The following UPB1 variants were observed in gnomAD, a reference collection of about 807,000 sequenced individuals.
The protein encoded by UPB1 is beta-ureidopropionase 1.
In UPB1, 40 loss-of-function variants were observed where a neutral mutation model predicts 49.1. That is an observed-to-expected ratio of 0.81 (90% confidence interval 0.63 to 1.06). The LOEUF is 1.06. UPB1 is among the 50% of genes least tolerant of loss of function. The pLI, the probability that UPB1 is intolerant of heterozygous loss-of-function variation, is 0.00. For synonymous variants in UPB1, 207 were observed against 198.2 expected (o/e 1.04, Z -0.38); for missense variants, 499 against 505.9 (o/e 0.99, Z 0.13).
In UPB1 at chr22:24,515,245, G is replaced by C. The variant is rs1204903947; in HGVS notation, c.666G>C (p.Gln222His). ...GAAACCTGGGCCACCCCGTGTTCCA[G>C]ACGCAGTTCGGAAGGATCGCGGTGA... ...MEGNLGHPVF[Q>H]TQFGRIAVNI... Residue 222 changes from glutamine (Q) to histidine (H), a missense_variant, in exon 6 of 10, where the codon CAG becomes CAC. By Grantham distance (24) the Gln-to-His change is conservative. Transcript: ENST00000326010. The C allele has an allele frequency of 6.2e-7, 1 of 1,614,208 alleles. No homozygotes were observed. The highest frequency in any genetic ancestry group is 1.7e-5 in the Admixed American group (1 of 60,026).
In UPB1 at chr22:24,526,683, G is replaced by A. The variant is rs1179758923; in HGVS notation, c.*889G>A. The stretch of plus-strand genomic sequence containing the variant: ...TCTTAAAGATGAGTTTTCTGCATTG[G>A]TTCTGGATTTTTTTAGAATTCTTCC... On this transcript the variant is annotated 3_prime_UTR_variant, in exon 10 of 10. Coordinates refer to ENST00000326010, the MANE Select transcript of UPB1 (RefSeq NM_016327.3). The A allele has an allele frequency of 6.6e-6, 1 of 152,194 alleles. No homozygotes were observed. Among genetic ancestry groups the A allele is most frequent in the Non-Finnish European group, 1.5e-5 (1 of 68,044 alleles). The allele number at this position is 152,194 out of a possible 1,614,324, so 9.4% of individuals were successfully genotyped here.
chr22:24,507,471 CTG>C (rs1357518410), intron 3 of UPB1, among the ~76,000 whole-genome samples: 7 of 152,060 alleles, frequency 4.6e-5, no homozygotes, highest in African/African-American at 1.7e-4. Context: ...TCTTCCTTCT[CTG>C]TGAAATAAAG....
At chr22:24,504,751 G>C (rs1235363999) in intron 3 of UPB1, among the ~76,000 whole-genome samples, 1 of 85,812 alleles carries the variant, frequency 1.2e-5, no homozygotes, top group South Asian at 3.7e-4. Flanking sequence ...TTTTTGATAC[G>C]TGGTCTTACT....
At position 24,527,525 on chromosome 22, in the gene UPB1, TAACCAGAG is replaced by T. The variant is rs1368844264; in HGVS notation, c.*1732_*1739del. On this transcript the variant is annotated 3_prime_UTR_variant, in exon 10 of 10. Transcript: ENST00000326010. Reference sequence around the variant, plus strand: ...AACCTGCCAAGTCTCAAATAGCAGTTAACCAGAGTATCGGGTTGGAGGTGGGGTTGAGA... The same window carrying T: ...AACCTGCCAAGTCTCAAATAGCAGTTTATCGGGTTGGAGGTGGGGTTGAGA... 6.6e-6 allele frequency: 1 copy of T among 152,210 alleles called. No homozygotes were observed. Among genetic ancestry groups the T allele is most frequent in the Non-Finnish European group, 1.5e-5 (1 of 68,080 alleles). The allele number at this position is 152,210 out of a possible 1,614,324, so 9.4% of individuals were successfully genotyped here.
chr22:24,501,805 G>T (rs1032048456), intron 2 of UPB1, among the ~76,000 whole-genome samples: 1 of 152,164 alleles, frequency 6.6e-6, no homozygotes, highest in Non-Finnish European at 1.5e-5. Flanking sequence ...CTGGGAGATG[G>T]GTGTGAACGT....
chr22:24,523,353 G>C (rs952799468), intron 8 of UPB1, among the ~76,000 whole-genome samples: 3 of 152,236 alleles, frequency 2.0e-5, no homozygotes, highest in African/African-American at 4.8e-5. Flanking sequence ...TTAGGCTGTG[G>C]GTAGAAGTGA....
chr22:24,496,416 C>CAT (rs1310902940), intron 1 of UPB1, among the ~76,000 whole-genome samples: 115 of 144,784 alleles, frequency 7.9e-4, no homozygotes, highest in African/African-American at 3.1e-3. Context: ...CACACACACA[C>CAT]ACACACACAC....
In UPB1 at chr22:24,510,791, CAG is replaced by C; in HGVS notation, c.409_410del (p.Glu137IlefsTer3). 6.2e-7 allele frequency: 1 copy of C among 1,614,200 alleles called. No homozygotes were observed. On this transcript the variant is annotated frameshift_variant, in exon 4 of 10. Coordinates refer to ENST00000326010, the MANE Select transcript of UPB1 (RefSeq NM_016327.3). LOFTEE classifies it high-confidence loss of function. ...TGTACGAGAGAGAAGCTTCCTTGGA[CAG>C]AATTTGCTGAGTCAGCAGAGGATGG...
chr22:24,520,228 T>G lies in UPB1; in HGVS notation c.792-159T>G, dbSNP rs182941566. On this transcript the variant is annotated intron_variant, in intron 6 of 9. Transcript: ENST00000326010. ...GGGGTGTGACCGGTGAGTCTCCTGG[T>G]TGTCCCCACCACTGGCCCAGGAAAG... The G allele has an allele frequency of 2.7e-5, 21 of 788,426 alleles. No homozygotes were observed. The East Asian group carries it at 5.4e-4, about 20-fold the overall frequency. The allele number at this position is 788,426 out of a possible 1,614,324, so 48.8% of individuals were successfully genotyped here. A position where few individuals can be genotyped will look rare whatever the true frequency, so the allele number is the denominator to read the frequency against.
chr22:24,502,531 T>A (rs1345207566), intron 3 of UPB1: 1 of 779,808 alleles, frequency 1.3e-6, no homozygotes, highest in Non-Finnish European at 2.4e-6. Context: ...TGTGCCCTCC[T>A]GACCAGGACT....
chr22:24,510,653 G>A (rs1240404109), intron 3 of UPB1, 96 bp from the exon 4 acceptor site: 7 of 1,302,070 alleles, frequency 5.4e-6, no homozygotes, highest in Non-Finnish European at 6.7e-6. Flanking sequence ...TCCTGAGACT[G>A]TATTCTTTTG....
intron 6 of UPB1, among the ~76,000 whole-genome samples, chr22:24,517,939 C>A (rs537874626): frequency 6.6e-6 from 1 of 152,144 alleles, no homozygotes; most frequent in African/African-American, 2.4e-5. Context: ...CCAAGGCTGG[C>A]GGATCACTTG....
intron 3 of UPB1, 176 bp downstream of exon 3, chr22:24,502,389 C>G: frequency 1.2e-6 from 1 of 801,930 alleles, no homozygotes; most frequent in South Asian, 1.3e-5. Context: ...ACGCACCGAG[C>G]TGTTGTCTGA....
rs769111199 is a variant in UPB1 at position 24,515,313 on chromosome 22, A to G, written c.734A>G (p.Tyr245Cys). 3.1e-6 allele frequency: 5 copies of G among 1,614,070 alleles called. No individual in the cohort carries two copies. The highest frequency in any genetic ancestry group is 8.5e-7 in the Non-Finnish European group (1 of 1,180,040). Reference protein sequence around the residue: ...GRHHPLNWLMYSINGAEIIFN... With the variant: ...GRHHPLNWLMCSINGAEIIFN... ...CACCACCCCCTCAACTGGCTTATGT[A>G]CAGCATCAACGGGGCTGAGATCATC... The change falls in exon 6 of 10, where the codon TAC (tyrosine) becomes TGC (cysteine). Residue 245 changes from tyrosine to cysteine, a missense_variant. Coordinates refer to ENST00000326010, the MANE Select transcript of UPB1 (RefSeq NM_016327.3).
Position 24,513,338 on chromosome 22 carries a change from T to C in UPB1, c.474T>C (p.His158=). 6.2e-7 allele frequency: 1 copy of C among 1,614,162 alleles called. No homozygotes were observed. The highest frequency in any genetic ancestry group is 1.1e-5 in the South Asian group (1 of 91,078). ...TRFCQKLAKN[H]DMVVVSPILE... ...CATTTTTCCAGCTGGCGAAGAACCA[T>C]GACATGGTGGTGGTGTCTCCCATCC... Residue 158 remains histidine (H), a synonymous_variant, in exon 5 of 10, where the codon CAT becomes CAC. Transcript: ENST00000326010.
chr22:24,525,110 G>A (rs2044460361), intron 9 of UPB1, among the ~76,000 whole-genome samples: 1 of 151,738 alleles, frequency 6.6e-6, no homozygotes. Context: ...TAAACCAAAT[G>A]TTTTCTCATT....
At chr22:24,500,766 G>T (rs1286584582) in intron 2 of UPB1, among the ~76,000 whole-genome samples, 1 of 152,332 alleles carries the variant, frequency 6.6e-6, no homozygotes, top group East Asian at 1.9e-4. Flanking sequence ...TATGACCTCA[G>T]AGTTAGTAAA....
intron 6 of UPB1, among the ~76,000 whole-genome samples, chr22:24,518,814 C>T (rs1010744999): frequency 6.6e-6 from 1 of 152,176 alleles, no homozygotes; most frequent in Non-Finnish European, 1.5e-5. Flanking sequence ...TGGCAAGTCA[C>T]CATCCTATCC....
intron 3 of UPB1, chr22:24,503,462 T>C (rs1324731861): frequency 6.6e-6 from 1 of 152,204 alleles, no homozygotes; most frequent in Non-Finnish European, 1.5e-5. Context: ...TGGATCCTTA[T>C]AGATTTATGT....
Sources: gnomAD v4.1 joint callset for allele counts (sites outside exome capture counted in the v4.1 genomes callset) on GRCh38, gnomAD v4.1.1 for gene constraint, MANE v1.5 for transcripts, NCBI Gene and HGNC (gene_info 2026-07-23, HGNC 2026-07-21) for gene names.